Variants in C7orf57 observed in about 807,000 individuals in gnomAD.
C7orf57 encodes the protein chromosome 7 open reading frame 57.
Under a neutral mutation model 39.0 loss-of-function variants are expected in C7orf57, and 33 were observed. The ratio of observed to expected loss-of-function variants is 0.85; its 90% CI spans 0.64 to 1.13. C7orf57 has a LOEUF of 1.13. Among genes scored for constraint, C7orf57 ranks in the 50% most tolerant of loss-of-function variants. C7orf57 has a pLI of 0.00. For synonymous variants in C7orf57, 124 were observed against 137.1 expected (o/e 0.90, Z 0.67); for missense variants, 346 against 362.3 (o/e 0.95, Z 0.37).
Position 48,038,666 on chromosome 7 carries a change from T to C in C7orf57, c.55+2303T>C, listed in dbSNP as rs185540053. On this transcript the variant is annotated intron_variant, in intron 2 of 8. Coordinates refer to ENST00000348904, the MANE Select transcript of C7orf57 (RefSeq NM_001100159.3). The stretch of plus-strand genomic sequence containing the variant: ...CTGTAAAATATTTAAAGAGGTTTAT[T>C]CTAAGCCAAATATGAGTGACCAAGG... Among the ~76,000 whole-genome samples, 36 of 152,294 alleles carry C rather than the reference T, an allele frequency of 2.4e-4. No homozygotes were observed. In the East Asian group the frequency reaches 6.7e-3, roughly 29 times the overall value.
At chr7:48,054,458 C>G (rs1182813553) in intron 7 of C7orf57, 137 bp from the exon 8 acceptor site, 1 of 351,570 alleles carries the variant, frequency 2.8e-6, no homozygotes, top group Non-Finnish European at 5.2e-6. Context: ...TTGAACTTTA[C>G]AATGTCAAGA....
intron 8 of C7orf57, among the ~76,000 whole-genome samples, chr7:48,059,628 G>A (rs1279954601): frequency 6.6e-6 from 1 of 152,162 alleles, no homozygotes; most frequent in Non-Finnish European, 1.5e-5. Flanking sequence ...TGGGTTTATA[G>A]GCGTGAGCCA....
rs1562620241 is a variant in C7orf57, at chr7:48,036,269, GGCAGCATCTGTCTTTTCCC to G, written c.-34_-16del. Reference sequence around the variant, plus strand: ...CAGCGCACCCGCGAACACCAGGTCCGGCAGCATCTGTCTTTTCCCGCAGCGTGCAGCGCCTGACCATGAG... The same window carrying G: ...CAGCGCACCCGCGAACACCAGGTCCGGCAGCGTGCAGCGCCTGACCATGAG... On this transcript the variant is annotated 5_prime_UTR_variant, in exon 2 of 9. Coordinates refer to ENST00000348904, the MANE Select transcript of C7orf57 (RefSeq NM_001100159.3). 41 of 1,557,878 alleles carry G rather than the reference GGCAGCATCTGTCTTTTCCC, an allele frequency of 2.6e-5. No homozygotes were observed. Among genetic ancestry groups the G allele is most frequent in the Non-Finnish European group, 3.5e-5 (40 of 1,150,420 alleles).
At chr7:48,056,476 G>A (rs1386083102) in intron 8 of C7orf57, among the ~76,000 whole-genome samples, 2 of 151,636 alleles carry the variant, frequency 1.3e-5, no homozygotes, top group Non-Finnish European at 2.9e-5. Context: ...TTTTCCTTTT[G>A]TTACTTGGGC....
intron 6 of C7orf57, 24 bp downstream of exon 6, chr7:48,050,001 A>C (rs1207400831): frequency 2.6e-6 from 4 of 1,509,550 alleles, no homozygotes; most frequent in Admixed American, 3.4e-5. Flanking sequence ...CTACGCCCTC[A>C]CTGTCTGGAC....
rs1790348259 is a variant in C7orf57 at position 48,036,109 on chromosome 7, G to A, written c.-101-99G>A. The A allele has an allele frequency of 4.6e-6, 3 of 649,440 alleles. No homozygotes were observed. In the Admixed American group the frequency reaches 7.2e-5, roughly 16 times the overall value. 40.2% of individuals were successfully genotyped at this position (649,440 alleles called of 1,614,324 possible). ...ATGCCCCCTGCTGTATACCCTGCAT[G>A]GAAGTGCCAGCGCTAGGCGATCGTA... On this transcript the variant is annotated intron_variant, in intron 1 of 8. Coordinates refer to ENST00000348904, the MANE Select transcript of C7orf57 (RefSeq NM_001100159.3).
At chr7:48,051,770 C>CTTTCT (rs1554299695) in intron 6 of C7orf57, among the ~76,000 whole-genome samples, 1,216 of 54,020 alleles carry the variant, frequency 0.023, 100 homozygotes, top group African/African-American at 0.069. Flanking sequence ...TTCTTTCTTT[C>CTTTCT]TTTCTTTCTT....
chr7:48,036,348 C>T lies in C7orf57; in HGVS notation c.40C>T (p.Arg14Cys). 1 of 1,589,160 alleles carries T rather than the reference C, an allele frequency of 6.3e-7. No individual in the cohort carries two copies. Residue 14 changes from arginine to cysteine, a missense_variant, in exon 2 of 9, where the codon CGC becomes TGC. Arg to Cys is a radical substitution (Grantham distance 180). Transcript: ENST00000348904. ...CAAGGAACTTCAGGGCGCCACGCAC[C>T]GCTACGCTCCCTGCGGTGAGTGCGC... is the stretch of plus-strand genomic sequence containing the variant. ...TSKELQGATH[R>C]YAPCDWYYHV... is the part of the protein sequence containing the mutation.
At chr7:48,049,067 C>T (rs1341048999) in intron 5 of C7orf57, among the ~76,000 whole-genome samples, 1 of 152,116 alleles carries the variant, frequency 6.6e-6, no homozygotes, top group African/African-American at 2.4e-5. Context: ...GATAACCTCC[C>T]CTCCTCCCAG....
chr7:48,058,973 A>C (rs1791207565), intron 8 of C7orf57, among the ~76,000 whole-genome samples: 1 of 152,346 alleles, frequency 6.6e-6, no homozygotes, highest in South Asian at 2.1e-4. Flanking sequence ...TTTCAAATTA[A>C]TGAAGGCCTA....
intron 5 of C7orf57, among the ~76,000 whole-genome samples, chr7:48,047,333 A>C (rs1468578957): frequency 6.6e-6 from 1 of 152,204 alleles, no homozygotes; most frequent in Non-Finnish European, 1.5e-5. Context: ...TGAAACGGTG[A>C]AGTTCATATT....
intron 1 of C7orf57, 101 bp from the exon 2 acceptor site, chr7:48,036,107 A>T: frequency 1.5e-6 from 1 of 647,888 alleles, no homozygotes; most frequent in Non-Finnish European, 2.8e-6. Context: ...TATACCCTGC[A>T]TGGAAGTGCC....
rs1790324063 is a variant in C7orf57, at chr7:48,035,554, G to T, written c.-178G>T. 1.4e-6 allele frequency: 1 copy of T among 698,218 alleles called. No homozygotes were observed. Among genetic ancestry groups the T allele is most frequent in the South Asian group, 1.5e-5 (1 of 67,270 alleles). 43.3% of individuals were successfully genotyped at this position (698,218 alleles called of 1,614,324 possible). A position where few individuals can be genotyped will look rare whatever the true frequency, so the allele number is the denominator to read the frequency against. On this transcript the variant is annotated 5_prime_UTR_variant, in exon 1 of 9. Transcript: ENST00000348904. This position sits in a 1 kb window ranked among gnomAD's most constrained non-coding sequence, Gnocchi z 4.0. ...CGCGCTGGGAGTTTGGGTTTGGTTGGCTGCAGCCAGCCAGCCGTGTAAAAA... is the reference window on the plus strand; with the variant it reads ...CGCGCTGGGAGTTTGGGTTTGGTTGTCTGCAGCCAGCCAGCCGTGTAAAAA...
chr7:48,048,458 C>T (rs78110495), intron 5 of C7orf57, among the ~76,000 whole-genome samples: 516 of 152,258 alleles, frequency 3.4e-3, no homozygotes, highest in African/African-American at 0.012. Context: ...ACAGGGTGAT[C>T]GGGGGATCTT....
chr7:48,039,522 A>G (rs1212970801), intron 2 of C7orf57, among the ~76,000 whole-genome samples: 1 of 152,058 alleles, frequency 6.6e-6, no homozygotes, highest in Non-Finnish European at 1.5e-5. Flanking sequence ...GGGGCTTAGA[A>G]GTTTATTTTT....
rs1453803058 is a variant in C7orf57 at position 48,037,989 on chromosome 7, A to C, written c.55+1626A>C. 2.0e-5 allele frequency among the ~76,000 whole-genome samples: 3 copies of C among 152,210 alleles called. 1 individual carries two copies. Among genetic ancestry groups the C allele is most frequent in the Non-Finnish European group, 4.4e-5 (3 of 68,036 alleles). ...AGAGCGGAAAAATAATGCAACAATC[A>C]AACGCCTTCTCTCAAATAGAAAATA... On this transcript the variant is annotated intron_variant, in intron 2 of 8. Coordinates refer to ENST00000348904, the MANE Select transcript of C7orf57 (RefSeq NM_001100159.3).
intron 8 of C7orf57, among the ~76,000 whole-genome samples, chr7:48,056,274 T>C (rs1791113135): frequency 6.6e-6 from 1 of 152,210 alleles, no homozygotes. Flanking sequence ...TTGAGAAATG[T>C]CTATGTAAGT....
At chr7:48,044,170 G>A (rs981147875) in intron 4 of C7orf57, among the ~76,000 whole-genome samples, 7 of 152,202 alleles carry the variant, frequency 4.6e-5, no homozygotes, top group African/African-American at 1.7e-4. Context: ...CCCTGGATCA[G>A]AAGTGCAGCG....
intron 7 of C7orf57, among the ~76,000 whole-genome samples, chr7:48,053,602 C>T (rs898132790): frequency 6.6e-6 from 1 of 152,018 alleles, no homozygotes; most frequent in African/African-American, 2.4e-5. Context: ...TAGACATGCA[C>T]CATTACACCC....
Sources: allele counts gnomAD v4.1 joint callset (sites outside exome capture counted in the v4.1 genomes callset), GRCh38; gene constraint gnomAD v4.1.1; non-coding constraint Gnocchi (gnomAD v3.1); transcripts MANE v1.5; gene names NCBI Gene and HGNC (gene_info 2026-07-23, HGNC 2026-07-21).